The following ARHGEF28 variants were observed in gnomAD, a reference collection of about 807,000 sequenced individuals.
ARHGEF28 encodes Rho guanine nucleotide exchange factor 28.
ARHGEF28 carries 152 observed loss-of-function variants against 206.6 expected under a neutral mutation model. The observed-to-expected ratio is 0.74, with a 90% CI of 0.64 to 0.84. The LOEUF (loss-of-function observed/expected upper bound fraction) is 0.84, where lower values mean the gene tolerates loss of function less well. ARHGEF28 is among the 40% of genes least tolerant of loss of function. The pLI is 0.00. For synonymous variants in ARHGEF28, 763 were observed against 776.4 expected, an observed-to-expected ratio of 0.98 and a Z score of 0.29; for missense variants, 2,028 against 2,073.2, an observed-to-expected ratio of 0.98 and a Z score of 0.42.
intron 4 of ARHGEF28, among the ~76,000 whole-genome samples, chr5:73,761,892 C>T (rs1405545180): frequency 1.3e-5 from 2 of 151,792 alleles, no homozygotes; most frequent in East Asian, 1.9e-4. Flanking sequence ...GATGGGGTGT[C>T]GCTGTATTGC....
intron 2 of ARHGEF28, among the ~76,000 whole-genome samples, chr5:73,708,303 A>G (rs1003325945): frequency 2.6e-5 from 4 of 152,014 alleles, no homozygotes; most frequent in African/African-American, 9.7e-5. Flanking sequence ...CGCTACCCAG[A>G]CACTGAGCAT....
chr5:73,688,132 C>T (rs1580483589), intron 2 of ARHGEF28, among the ~76,000 whole-genome samples: 1 of 152,164 alleles, frequency 6.6e-6, no homozygotes, highest in East Asian at 1.9e-4. Flanking sequence ...TAACACTATG[C>T]ATAATTGTAT....
intron 1 of ARHGEF28, among the ~76,000 whole-genome samples, chr5:73,646,306 GAA>G (rs776843499): frequency 2.7e-4 from 41 of 152,272 alleles, no homozygotes; most frequent in Non-Finnish European, 5.0e-4. Flanking sequence ...CTGGCCTCCT[GAA>G]AATCTGTCTT....
chr5:73,708,623 G>C (rs1037462574), intron 2 of ARHGEF28, among the ~76,000 whole-genome samples: 1 of 152,062 alleles, frequency 6.6e-6, no homozygotes, highest in South Asian at 2.1e-4. Flanking sequence ...TGGACATCTG[G>C]GTTGATTTCA....
intron 1 of ARHGEF28, among the ~76,000 whole-genome samples, chr5:73,634,083 T>G (rs895232925): frequency 1.4e-4 from 22 of 152,156 alleles, no homozygotes. Context: ...TCTTTTAGAG[T>G]GTTTATACAT....
At chr5:73,750,061 A>G in intron 3 of ARHGEF28, 77 bp downstream of exon 3, 2 of 1,534,488 alleles carry the variant, frequency 1.3e-6, no homozygotes, top group Non-Finnish European at 1.8e-6. Context: ...GGCCAGGAAG[A>G]GAGCCAGGAA....
intron 35 of ARHGEF28, among the ~76,000 whole-genome samples, chr5:73,924,431 G>A (rs991824080): frequency 3.3e-5 from 5 of 152,054 alleles, no homozygotes; most frequent in Non-Finnish European, 7.4e-5. Context: ...CTTTGGAGGT[G>A]GTATGATGAT....
intron 4 of ARHGEF28, among the ~76,000 whole-genome samples, chr5:73,765,704 C>T (rs769287757): frequency 2.0e-5 from 3 of 152,140 alleles, no homozygotes; most frequent in Non-Finnish European, 4.4e-5. Flanking sequence ...CAGGGCCTGG[C>T]AGATAATAAT....
At chr5:73,680,391 A>T (rs1746994247) in intron 1 of ARHGEF28, among the ~76,000 whole-genome samples, 1 of 130,888 alleles carries the variant, frequency 7.6e-6, no homozygotes, top group South Asian at 2.7e-4. Context: ...GCTGAGATTG[A>T]GCCACTGTAT....
chr5:73,799,413 T>C (rs983383844), intron 9 of ARHGEF28, among the ~76,000 whole-genome samples: 2 of 152,212 alleles, frequency 1.3e-5, no homozygotes, highest in African/African-American at 4.8e-5. Context: ...TATGTGGCTT[T>C]GGTTAGAAAT....
chr5:73,844,348 G>A (rs930776940), intron 11 of ARHGEF28, among the ~76,000 whole-genome samples: 4 of 152,186 alleles, frequency 2.6e-5, no homozygotes, highest in Non-Finnish European at 4.4e-5. Flanking sequence ...GACAAGTGCT[G>A]AGGTACAAGA....
At chr5:73,792,317 G>T (rs1448511087) in intron 7 of ARHGEF28, among the ~76,000 whole-genome samples, 2 of 152,170 alleles carry the variant, frequency 1.3e-5, no homozygotes, top group Non-Finnish European at 2.9e-5. Flanking sequence ...ATAAAAACTA[G>T]TTCACTGGCC....
At chr5:73,636,570 T>A (rs1743729707) in intron 1 of ARHGEF28, among the ~76,000 whole-genome samples, 1 of 152,050 alleles carries the variant, frequency 6.6e-6, no homozygotes, top group Non-Finnish European at 1.5e-5. Context: ...CTCTTTAGTG[T>A]GAGTTGGAAG....
At chr5:73,737,879 C>T (rs1751102904) in intron 2 of ARHGEF28, among the ~76,000 whole-genome samples, 1 of 152,128 alleles carries the variant, frequency 6.6e-6, no homozygotes, top group Admixed American at 6.5e-5. Flanking sequence ...CTGACTGCTA[C>T]CTGCTCTTTC....
At chr5:73,900,123 C>T (rs1483952619) in intron 30 of ARHGEF28, 3 of 152,164 alleles carry the variant, frequency 2.0e-5, no homozygotes, top group Admixed American at 6.6e-5. Context: ...CATCTGAAGC[C>T]GTTTCCGTTT....
intron 9 of ARHGEF28, 32 bp from the exon 10 acceptor site, chr5:73,832,306 T>C (rs1359673813): frequency 6.2e-7 from 1 of 1,609,278 alleles, no homozygotes; most frequent in South Asian, 1.1e-5. Flanking sequence ...CCCTTCTCCT[T>C]TATTTGCCCT....
chr5:73,912,368 A>G (rs916618734), intron 35 of ARHGEF28, among the ~76,000 whole-genome samples: 1 of 152,248 alleles, frequency 6.6e-6, no homozygotes, highest in African/African-American at 2.4e-5. Context: ...TCAGAAACAT[A>G]AAACAAGCAG....
intron 11 of ARHGEF28, among the ~76,000 whole-genome samples, 153 bp downstream of exon 11, chr5:73,840,913 A>G (rs1297311558): frequency 6.6e-6 from 1 of 152,204 alleles, no homozygotes; most frequent in Non-Finnish European, 1.5e-5. Flanking sequence ...CACTGATTTG[A>G]AAGTAAGACA....
chr5:73,668,549 C>A (rs1746109227), intron 1 of ARHGEF28, among the ~76,000 whole-genome samples: 1 of 152,226 alleles, frequency 6.6e-6, no homozygotes, highest in Admixed American at 6.5e-5. Context: ...TTAAAGGTTC[C>A]ACTTGTCAAT....
Sources: allele counts gnomAD v4.1 joint callset (sites outside exome capture counted in the v4.1 genomes callset), GRCh38; gene constraint gnomAD v4.1.1; transcripts MANE v1.5; gene names NCBI Gene and HGNC (gene_info 2026-07-23, HGNC 2026-07-21).